The following CELF2 variants were observed in gnomAD, a reference collection of about 807,000 sequenced individuals.
CELF2 encodes the protein CUG triplet repeat RNA-binding protein 2.
CELF2 carries 8 observed loss-of-function variants against 62.6 expected under a neutral mutation model. The ratio of observed to expected loss-of-function variants is 0.13; its 90% CI spans 0.07 to 0.23. The LOEUF is 0.23. Among genes scored for constraint, CELF2 ranks in the 10% least tolerant of loss-of-function variants. CELF2 has a pLI of 1.00. For missense variants in CELF2, 333 were observed against 671.0 expected, an observed-to-expected ratio of 0.50 and a Z score of 5.56; for synonymous variants, 258 against 250.0, an observed-to-expected ratio of 1.03 and a Z score of -0.30.
At chr10:11,307,927 A>C (rs1256417718) in intron 9 of CELF2, among the ~76,000 whole-genome samples, 1 of 152,172 alleles carries the variant, frequency 6.6e-6, no homozygotes, top group Non-Finnish European at 1.5e-5. Context: ...CTTACAGTGC[A>C]AAAAGGTGGG....
At chr10:10,653,692 A>C in the CELF2 span, among the ~76,000 whole-genome samples, 1 of 147,192 alleles carries the variant, frequency 6.8e-6, no homozygotes, top group Non-Finnish European at 1.5e-5. Context: ...ACAACATACC[A>C]GAATCTCTGG....
At chr10:10,710,042 T>C in the CELF2 span, among the ~76,000 whole-genome samples, 1 of 152,230 alleles carries the variant, frequency 6.6e-6, no homozygotes, top group Non-Finnish European at 1.5e-5. Context: ...TGGATCTGCC[T>C]GGATTCTAGG....
intron 1 of CELF2, among the ~76,000 whole-genome samples, chr10:11,035,442 G>T (rs1390845160): frequency 6.6e-6 from 1 of 152,174 alleles, no homozygotes; most frequent in African/African-American, 2.4e-5. Flanking sequence ...GTTCTGGAAA[G>T]CTGGGATAGG....
chr10:10,985,345 AT>A lies in CELF2; in HGVS notation c.89+65347del, dbSNP rs1470715237. Among the ~76,000 whole-genome samples the A allele has an allele frequency of 9.2e-5, 14 of 151,558 alleles. No individual in the cohort carries two copies. The South Asian group carries it at 1.0e-3, about 11-fold the overall frequency. ...GCTATTAGAAGTAAAAAAAAAAAAA[AT>A]AAGGCTTTATATAGATCCTTAAACT... On this transcript the variant is annotated intron_variant, in intron 2 of 13. Transcript: ENST00000636488.
intron 1 of CELF2, among the ~76,000 whole-genome samples, chr10:10,871,105 T>G (rs778066756): frequency 3.9e-5 from 6 of 152,182 alleles, no homozygotes; most frequent in Non-Finnish European, 8.8e-5. Flanking sequence ...AAGGTGGCTA[T>G]GTAGAGCCGG....
chr10:10,639,497 T>C, the CELF2 span, among the ~76,000 whole-genome samples: 1 of 152,238 alleles, frequency 6.6e-6, no homozygotes, highest in East Asian at 1.9e-4. Context: ...AAGGCACTGA[T>C]GCAAATATTA....
At chr10:10,601,975 T>C in the CELF2 span, among the ~76,000 whole-genome samples, 2 of 151,974 alleles carry the variant, frequency 1.3e-5, no homozygotes, top group Non-Finnish European at 2.9e-5. Flanking sequence ...CACTTATAAG[T>C]GAGAACATGC....
the CELF2 span, among the ~76,000 whole-genome samples, chr10:10,539,141 G>A: frequency 6.6e-6 from 1 of 152,196 alleles, no homozygotes; most frequent in Non-Finnish European, 1.5e-5. Context: ...CTGGTTAAGA[G>A]TACAGATCTT....
chr10:10,535,141 C>T, the CELF2 span, among the ~76,000 whole-genome samples: 46 of 152,290 alleles, frequency 3.0e-4, no homozygotes, highest in Middle Eastern at 3.4e-3. Context: ...GCACTCAATA[C>T]CCAATACTGG....
chr10:10,999,973 A>T (rs767789208), intron 2 of CELF2, among the ~76,000 whole-genome samples: 21 of 152,176 alleles, frequency 1.4e-4, no homozygotes, highest in Non-Finnish European at 2.6e-4. Context: ...AGCAAGAATA[A>T]ACTTGGTCCA....
At chr10:10,829,768 C>A (rs950874405) in intron 1 of CELF2, among the ~76,000 whole-genome samples, 1 of 152,162 alleles carries the variant, frequency 6.6e-6, no homozygotes, top group Non-Finnish European at 1.5e-5. Flanking sequence ...GATGGGGTGA[C>A]TGGGACACAC....
chr10:10,622,207 G>A, the CELF2 span, among the ~76,000 whole-genome samples: 1 of 152,142 alleles, frequency 6.6e-6, no homozygotes, highest in South Asian at 2.1e-4. Context: ...CAAGGTTTGA[G>A]GTAATTTTAG....
At chr10:10,703,143 C>T in the CELF2 span, among the ~76,000 whole-genome samples, 1 of 152,180 alleles carries the variant, frequency 6.6e-6, no homozygotes, top group Admixed American at 6.5e-5. Context: ...CCTACAGATT[C>T]TATAAAATAA....
the CELF2 span, among the ~76,000 whole-genome samples, chr10:10,742,465 CA>C: frequency 6.0e-5 from 9 of 151,150 alleles, no homozygotes; most frequent in East Asian, 2.0e-4. Flanking sequence ...CCTGTCTTAA[CA>C]AAAAATACAA....
intron 1 of CELF2, among the ~76,000 whole-genome samples, chr10:10,808,404 C>CT (rs1013593591): frequency 2.0e-5 from 3 of 152,126 alleles, no homozygotes; most frequent in Admixed American, 6.5e-5. Flanking sequence ...TTTAACATCT[C>CT]TTTTTTTAAC....
intron 9 of CELF2, among the ~76,000 whole-genome samples, chr10:11,291,243 G>A (rs2092482420): frequency 6.6e-6 from 1 of 152,130 alleles, no homozygotes; most frequent in Admixed American, 6.5e-5. Flanking sequence ...GGAAAGCAAA[G>A]GGACAATTCA....
Position 11,046,865 on chromosome 10 carries a change from T to A in CELF2, c.74+28702T>A, listed in dbSNP as rs924214895. Among the ~76,000 whole-genome samples, 2 of 152,218 alleles carry A rather than the reference T, an allele frequency of 1.3e-5. No homozygotes were observed. Among genetic ancestry groups the A allele is most frequent in the Non-Finnish European group, 2.9e-5 (2 of 68,034 alleles). On this transcript the variant is annotated intron_variant, in intron 1 of 12. Coordinates refer to ENST00000633077, the MANE Select transcript of CELF2 (RefSeq NM_001326342.2). The surrounding 1 kb of genome is among the most constrained non-coding windows in gnomAD (Gnocchi z 4.6). ...CGAAACTGCCTCCACTAAGCTAACA[T>A]GTGCTTGAGTCACTGGGGAGAAGAA...
chr10:11,186,811 C>T (rs2075067013), intron 2 of CELF2, among the ~76,000 whole-genome samples: 1 of 152,176 alleles, frequency 6.6e-6, no homozygotes, highest in Non-Finnish European at 1.5e-5. Flanking sequence ...TTTACGGGCC[C>T]AGGCATTTTG....
intron 1 of CELF2, among the ~76,000 whole-genome samples, chr10:11,108,688 G>A (rs2054326671): frequency 6.6e-6 from 1 of 152,190 alleles, no homozygotes; most frequent in Admixed American, 6.5e-5. Flanking sequence ...ATCTGTGAAT[G>A]AAGTTTCCTG....
Sources: allele counts gnomAD v4.1 joint callset (sites outside exome capture counted in the v4.1 genomes callset), GRCh38; gene constraint gnomAD v4.1.1; non-coding constraint Gnocchi (gnomAD v3.1); transcripts MANE v1.5; gene names NCBI Gene and HGNC (gene_info 2026-07-23, HGNC 2026-07-21).